The following PABPC4L variants were observed in gnomAD, a reference collection of about 807,000 sequenced individuals.
The protein encoded by PABPC4L is poly(A) binding protein cytoplasmic 4 like, also known as polyadenylate-binding protein 4-like.
For missense variants in PABPC4L, 452 were observed against 451.4 expected (o/e 1.00, Z -0.01); for synonymous variants, 169 against 164.1 (o/e 1.03, Z -0.23).
At chr4:134,111,310 T>C in the PABPC4L span, among the ~76,000 whole-genome samples, 1 of 151,976 alleles carries the variant, frequency 6.6e-6, no homozygotes, top group African/African-American at 2.4e-5. Flanking sequence ...CCCAAATTAT[T>C]GCATTGGGGA....
chr4:134,045,185 G>T, the PABPC4L span, among the ~76,000 whole-genome samples: 1 of 151,990 alleles, frequency 6.6e-6, no homozygotes, highest in Non-Finnish European at 1.5e-5. Context: ...CTCTAAAACT[G>T]ATAGATTGCA....
At chr4:133,992,058 G>A in the PABPC4L span, among the ~76,000 whole-genome samples, 16 of 152,136 alleles carry the variant, frequency 1.1e-4, no homozygotes, top group South Asian at 4.1e-4. Flanking sequence ...CCCAGGTGCC[G>A]TAAAGTGTTT....
chr4:133,962,629 A>T, the PABPC4L span, among the ~76,000 whole-genome samples: 1 of 152,204 alleles, frequency 6.6e-6, no homozygotes, highest in Non-Finnish European at 1.5e-5. Flanking sequence ...TAGATTTCTC[A>T]GTAGAAATTC....
the PABPC4L span, among the ~76,000 whole-genome samples, chr4:134,138,557 T>A: frequency 6.6e-6 from 1 of 151,878 alleles, no homozygotes; most frequent in Admixed American, 6.6e-5. Context: ...ATTTTCTTTT[T>A]ATATAAATGC....
the PABPC4L span, among the ~76,000 whole-genome samples, chr4:134,115,942 A>G: frequency 6.6e-6 from 1 of 151,854 alleles, no homozygotes; most frequent in African/African-American, 2.4e-5. Context: ...ATAAAAGAAT[A>G]TATTTGATTA....
At position 134,200,664 on chromosome 4, in the gene PABPC4L, G is replaced by T. The variant is rs1243417201; in HGVS notation, c.356C>A (p.Ser119Ter). The T allele has an allele frequency of 2.2e-5, 34 of 1,551,520 alleles. No individual in the cohort carries two copies. Among genetic ancestry groups the T allele is most frequent in the Middle Eastern group, 3.3e-4 (2 of 6,012 alleles). The change falls in exon 2 of 2, where the codon TCA becomes TAA. Residue 119 changes from serine to a stop codon, truncating the protein, a stop_gained. Transcript: ENST00000421491. LOFTEE classifies it low-confidence loss of function (END_TRUNC). ...GGAGGAAAGGATCTTTCCAAAAGCTGAAAAATGTTCATAAAGGGTTTTGTT... is the reference window on the plus strand; with the variant it reads ...GGAGGAAAGGATCTTTCCAAAAGCTTAAAAATGTTCATAAAGGGTTTTGTT... ...IDNKTLYEHFSAFGKILSSKV... is the reference protein window; with the variant it reads ...IDNKTLYEHF
At chr4:134,171,635 T>C in the PABPC4L span, among the ~76,000 whole-genome samples, 2 of 152,162 alleles carry the variant, frequency 1.3e-5, no homozygotes, top group African/African-American at 2.4e-5. Context: ...ACTGTCATGA[T>C]TCCTATTCAA....
rs1201760790 is a variant in PABPC4L at position 134,196,420 on chromosome 4, C to A, written c.*3487G>T. 1 of 151,618 alleles carries A rather than the reference C, an allele frequency of 6.6e-6. No homozygotes were observed. The highest frequency in any genetic ancestry group is 1.5e-5 in the Non-Finnish European group (1 of 67,662). 9.4% of individuals were successfully genotyped at this position (151,618 alleles called of 1,614,324 possible). A position where few individuals can be genotyped will look rare whatever the true frequency, so the allele number is the denominator to read the frequency against. On this transcript the variant is annotated 3_prime_UTR_variant, in exon 2 of 2. Transcript: ENST00000421491. ...GAACATGAAAATGACAATATTAAAT[C>A]ACTTTAAAATTTTTATTTTTACCAA...
At chr4:133,959,638 T>G in the PABPC4L span, among the ~76,000 whole-genome samples, 1 of 152,206 alleles carries the variant, frequency 6.6e-6, no homozygotes, top group Non-Finnish European at 1.5e-5. Context: ...GACTAGGTAT[T>G]GTTATAAGCG....
chr4:134,004,269 T>C, the PABPC4L span, among the ~76,000 whole-genome samples: 1 of 151,304 alleles, frequency 6.6e-6, no homozygotes, highest in Admixed American at 6.6e-5. Context: ...CCAAAATATA[T>C]AAGAAAATCA....
chr4:134,064,254 AG>A, the PABPC4L span, among the ~76,000 whole-genome samples: 1 of 152,048 alleles, frequency 6.6e-6, no homozygotes, highest in Admixed American at 6.6e-5. Flanking sequence ...AATGCCAAAA[AG>A]AAATTAAGTT....
chr4:133,956,864 T>C, the PABPC4L span, among the ~76,000 whole-genome samples: 1 of 152,090 alleles, frequency 6.6e-6, no homozygotes, highest in Non-Finnish European at 1.5e-5. Context: ...AACCATGAGA[T>C]CTTGTGAAAA....
chr4:134,146,195 T>A, the PABPC4L span, among the ~76,000 whole-genome samples: 4 of 152,026 alleles, frequency 2.6e-5, no homozygotes, highest in Non-Finnish European at 5.9e-5. Flanking sequence ...ATTAACATAC[T>A]AAATTTATTA....
At chr4:134,151,947 T>G in the PABPC4L span, among the ~76,000 whole-genome samples, 3 of 145,706 alleles carry the variant, frequency 2.1e-5, no homozygotes, top group South Asian at 2.1e-4. Context: ...TAATGTAACA[T>G]ATTTTTATAT....
chr4:134,026,970 G>A, the PABPC4L span, among the ~76,000 whole-genome samples: 25 of 151,592 alleles, frequency 1.6e-4, no homozygotes, highest in African/African-American at 6.0e-4. Flanking sequence ...AGCCTGCAGA[G>A]GGAAAAAAAA....
chr4:134,184,812 G>C, the PABPC4L span, among the ~76,000 whole-genome samples: 2 of 151,974 alleles, frequency 1.3e-5, no homozygotes, highest in Admixed American at 6.6e-5. Flanking sequence ...TCACAAGTAA[G>C]GAATGAGAGT....
the PABPC4L span, among the ~76,000 whole-genome samples, chr4:134,041,624 T>A: frequency 2.0e-5 from 3 of 151,652 alleles, no homozygotes; most frequent in Admixed American, 1.3e-4. Context: ...AATACCCAGG[T>A]GATGAGTGTA....
the PABPC4L span, among the ~76,000 whole-genome samples, chr4:134,029,487 C>A: frequency 6.6e-6 from 1 of 151,896 alleles, no homozygotes; most frequent in Non-Finnish European, 1.5e-5. Context: ...GAAAATTATA[C>A]AAACAGAAAA....
At chr4:133,980,756 T>C in the PABPC4L span, among the ~76,000 whole-genome samples, 2 of 152,184 alleles carry the variant, frequency 1.3e-5, no homozygotes, top group Non-Finnish European at 2.9e-5. Context: ...GAAGTGTTTA[T>C]TAACTTTAAA....
Sources: gnomAD v4.1 joint callset for allele counts (sites outside exome capture counted in the v4.1 genomes callset) on GRCh38, gnomAD v4.1.1 for gene constraint, MANE v1.5 for transcripts, NCBI Gene and HGNC (gene_info 2026-07-23, HGNC 2026-07-21) for gene names.